SLC13A1: variants seen among roughly 807,000 people sequenced by gnomAD.
The protein encoded by SLC13A1 is solute carrier family 13 member 1, also known as Na(+)/sulfate cotransporter.
A neutral mutation model predicts 70.0 loss-of-function variants in SLC13A1; 65 were observed. The ratio of observed to expected loss-of-function variants is 0.93; its 90% CI spans 0.76 to 1.14. The LOEUF is 1.14. SLC13A1 is among the 50% of genes most tolerant of loss of function. The probability of loss-of-function intolerance (pLI) is 0.00; values close to 1 mark genes in which losing one functional copy is unlikely to be tolerated. For missense variants in SLC13A1, 726 were observed against 717.8 expected (o/e 1.01, Z -0.13); for synonymous variants, 275 against 250.5 (o/e 1.10, Z -0.92).
chr7:123,162,620 C>T (rs968930490), intron 6 of SLC13A1, among the ~76,000 whole-genome samples: 27 of 152,084 alleles, frequency 1.8e-4, no homozygotes, highest in African/African-American at 5.1e-4. Context: ...TTGTTTGTTA[C>T]GTGATCTAAG....
intron 7 of SLC13A1, among the ~76,000 whole-genome samples, chr7:123,137,715 T>A (rs1793999188): frequency 6.6e-6 from 1 of 152,118 alleles, no homozygotes; most frequent in Non-Finnish European, 1.5e-5. Flanking sequence ...CCTGGTAAGA[T>A]CCTGAGCAGG....
At chr7:123,151,403 T>A (rs1187601088) in intron 6 of SLC13A1, among the ~76,000 whole-genome samples, 1 of 150,904 alleles carries the variant, frequency 6.6e-6, no homozygotes, top group Admixed American at 6.7e-5. Flanking sequence ...TATATATATA[T>A]GTATATGTAT....
At chr7:123,133,405 T>C (rs1793833629) in intron 8 of SLC13A1, among the ~76,000 whole-genome samples, 1 of 150,140 alleles carries the variant, frequency 6.7e-6, no homozygotes, top group African/African-American at 2.5e-5. Context: ...TTAAACCAAG[T>C]GGAGGGGCAA....
At chr7:123,141,071 G>GT (rs759365963) in intron 7 of SLC13A1, among the ~76,000 whole-genome samples, 11 of 151,314 alleles carry the variant, frequency 7.3e-5, no homozygotes, top group African/African-American at 2.7e-4. Flanking sequence ...TCTTGGTACT[G>GT]TTTTTTGCTG....
At chr7:123,142,671 G>A (rs1459265336) in intron 7 of SLC13A1, among the ~76,000 whole-genome samples, 6 of 50,298 alleles carry the variant, frequency 1.2e-4, no homozygotes, top group African/African-American at 4.6e-4. Context: ...AGGCTGGAGT[G>A]CAGTAGCGCG....
chr7:123,140,962 G>C (rs1794116060), intron 7 of SLC13A1, among the ~76,000 whole-genome samples: 1 of 151,388 alleles, frequency 6.6e-6, no homozygotes, highest in Non-Finnish European at 1.5e-5. Flanking sequence ...TTTGGGTTTG[G>C]TTTGCTCTTG....
intron 11 of SLC13A1, among the ~76,000 whole-genome samples, chr7:123,124,275 CTT>C (rs1793484756): frequency 6.6e-6 from 1 of 152,154 alleles, no homozygotes; most frequent in Non-Finnish European, 1.5e-5. Flanking sequence ...TTCCTCAGTA[CTT>C]GCCACTGCCA....
intron 14 of SLC13A1, 58 bp from the exon 15 acceptor site, chr7:123,115,713 G>C: frequency 6.3e-7 from 1 of 1,577,662 alleles, no homozygotes; most frequent in African/African-American, 1.3e-5. Context: ...CAGGAGATTA[G>C]AATCCTATTG....
At chr7:123,131,667 C>T (rs188708234) in intron 8 of SLC13A1, among the ~76,000 whole-genome samples, 135 of 152,246 alleles carry the variant, frequency 8.9e-4, no homozygotes, top group African/African-American at 2.9e-3. Context: ...TGATAATTTC[C>T]GTCTGTCAAT....
At chr7:123,135,998 ATAAAG>A (rs1319331923) in intron 7 of SLC13A1, among the ~76,000 whole-genome samples, 2 of 152,224 alleles carry the variant, frequency 1.3e-5, no homozygotes, top group African/African-American at 2.4e-5. Flanking sequence ...CAATTGGAAA[ATAAAG>A]TAATGGGAGA....
intron 13 of SLC13A1, among the ~76,000 whole-genome samples, chr7:123,118,112 G>A (rs1298295778): frequency 1.3e-5 from 2 of 152,032 alleles, no homozygotes; most frequent in Non-Finnish European, 2.9e-5. Context: ...TACAGCTGGT[G>A]AGCAACAGAG....
intron 12 of SLC13A1, among the ~76,000 whole-genome samples, chr7:123,122,729 G>A (rs1793425813): frequency 6.6e-6 from 1 of 151,542 alleles, no homozygotes; most frequent in African/African-American, 2.4e-5. Flanking sequence ...ATGATATACT[G>A]AAGTCCAAGA....
At chr7:123,127,119 G>T (rs558631131) in intron 10 of SLC13A1, among the ~76,000 whole-genome samples, 1 of 151,920 alleles carries the variant, frequency 6.6e-6, no homozygotes, top group Admixed American at 6.6e-5. Context: ...ATGCAGTTAG[G>T]TTGTCTCAGT....
chr7:123,198,803 G>C (rs74782863), intron 1 of SLC13A1, among the ~76,000 whole-genome samples: 1 of 152,126 alleles, frequency 6.6e-6, no homozygotes, highest in East Asian at 1.9e-4. Context: ...CAGGGTTCTT[G>C]CCCATTAAGA....
rs569817827 is a variant in SLC13A1 at position 123,150,368 on chromosome 7, C to T, written c.661-3058G>A. Among the ~76,000 whole-genome samples, 11 of 152,246 alleles carry T rather than the reference C, an allele frequency of 7.2e-5. No individual in the cohort carries two copies. In the South Asian group the frequency reaches 2.3e-3, roughly 32 times the overall value. On this transcript the variant is annotated intron_variant, in intron 6 of 14. Coordinates refer to ENST00000194130, the MANE Select transcript of SLC13A1 (RefSeq NM_022444.4). ...AATTAATAGAGTCAATGTTTCTCCT[C>T]CAACTTCTTGTTTCTGGACCACAGT... is the stretch of plus-strand genomic sequence containing the variant.
chr7:123,178,057 A>G (rs1198507548), intron 2 of SLC13A1, among the ~76,000 whole-genome samples: 1 of 151,472 alleles, frequency 6.6e-6, no homozygotes, highest in Non-Finnish European at 1.5e-5. Context: ...ATATCTCCAT[A>G]CATGTGTATT....
At chr7:123,158,643 T>TCACA (rs542142015) in intron 6 of SLC13A1, among the ~76,000 whole-genome samples, 2 of 150,400 alleles carry the variant, frequency 1.3e-5, no homozygotes, top group Non-Finnish European at 3.0e-5. Context: ...TAAAATTCTA[T>TCACA]CACACACACA....
At chr7:123,138,395 C>T (rs1730034838) in intron 7 of SLC13A1, among the ~76,000 whole-genome samples, 1 of 152,134 alleles carries the variant, frequency 6.6e-6, no homozygotes, top group Admixed American at 6.6e-5. Flanking sequence ...GCAGATATAC[C>T]TTCCAAATAC....
At position 123,169,308 on chromosome 7, in the gene SLC13A1, A is replaced by G; in HGVS notation, c.393T>C (p.Thr131=). Residue 131 remains threonine (T), a synonymous_variant, in exon 4 of 15, where the codon ACT becomes ACC. Coordinates refer to ENST00000194130, the MANE Select transcript of SLC13A1 (RefSeq NM_022444.4). ...TGCTGAGCCACATAGACAAAAAGGC[A>G]GTGCTGCTCATGAACCCCAGCGTCA... is the stretch of plus-strand genomic sequence containing the variant. ...AWLTLGFMSS[T]AFLSMWLSNT... 1.2e-6 allele frequency: 2 copies of G among 1,613,250 alleles called. No individual in the cohort carries two copies. The highest frequency in any genetic ancestry group is 1.7e-6 in the Non-Finnish European group (2 of 1,179,986).
Sources: allele counts gnomAD v4.1 joint callset (sites outside exome capture counted in the v4.1 genomes callset), GRCh38; gene constraint gnomAD v4.1.1; transcripts MANE v1.5; gene names NCBI Gene and HGNC (gene_info 2026-07-23, HGNC 2026-07-21).